Variants in NAV1 observed in about 807,000 individuals in gnomAD.
The protein encoded by NAV1 is pore membrane and/or filament interacting like protein 3.
Under a neutral mutation model 175.2 loss-of-function variants are expected in NAV1, and 18 were observed. The ratio of observed to expected loss-of-function variants is 0.10; its 90% CI spans 0.07 to 0.15. NAV1 has a LOEUF of 0.15. Ranked by LOEUF, NAV1 falls within the 10% of genes least tolerant of loss-of-function variation. NAV1 has a pLI of 1.00. For missense variants in NAV1, 1,731 were observed against 2,436.6 expected, an observed-to-expected ratio of 0.71 and a Z score of 6.10; for synonymous variants, 897 against 978.7, an observed-to-expected ratio of 0.92 and a Z score of 1.56.
intron 2 of NAV1, among the ~76,000 whole-genome samples, chr1:201,597,014 T>C (rs1193296457): frequency 1.3e-5 from 2 of 152,054 alleles, no homozygotes; most frequent in South Asian, 2.1e-4. Flanking sequence ...TTAGTAGAGA[T>C]GGAGTTTCAT....
At chr1:201,769,662 T>C (rs1207131036) in intron 3 of NAV1, among the ~76,000 whole-genome samples, 2 of 152,224 alleles carry the variant, frequency 1.3e-5, no homozygotes. Context: ...AAGTTAGTTA[T>C]TCTCTTTCCT....
intron 1 of NAV1, among the ~76,000 whole-genome samples, chr1:201,711,181 C>T (rs1208522144): frequency 1.3e-5 from 2 of 152,238 alleles, no homozygotes; most frequent in African/African-American, 2.4e-5. Context: ...AGGCCACTGG[C>T]ATGGTGGCCT....
chr1:201,621,607 C>T (rs1267211056), upstream of NAV1, among the ~76,000 whole-genome samples: 2 of 152,212 alleles, frequency 1.3e-5, no homozygotes, highest in Non-Finnish European at 2.9e-5. Context: ...GCAGGGATTA[C>T]AGGCGTGAGC....
intron 1 of NAV1, among the ~76,000 whole-genome samples, chr1:201,678,001 T>C (rs1355824195): frequency 6.6e-6 from 1 of 152,130 alleles, no homozygotes; most frequent in African/African-American, 2.4e-5. Flanking sequence ...TTCTGTCCAA[T>C]GTCCCCGAAG....
chr1:201,565,139 C>T (rs1474664477), intron 1 of NAV1, among the ~76,000 whole-genome samples: 1 of 152,146 alleles, frequency 6.6e-6, no homozygotes, highest in Non-Finnish European at 1.5e-5. Context: ...CCACAGAGAA[C>T]ACTAATGGTT....
At chr1:201,766,533 T>C (rs1571470820) in intron 3 of NAV1, among the ~76,000 whole-genome samples, 2 of 46,056 alleles carry the variant, frequency 4.3e-5, no homozygotes, top group African/African-American at 1.9e-4. Flanking sequence ...TCTATTATCT[T>C]TTTTTTAAAA....
intron 2 of NAV1, among the ~76,000 whole-genome samples, chr1:201,600,294 C>T (rs1019148607): frequency 1.3e-5 from 2 of 152,190 alleles, no homozygotes; most frequent in African/African-American, 4.8e-5. Context: ...TTTACTCCTG[C>T]CCCATGCCCT....
intron 2 of NAV1, among the ~76,000 whole-genome samples, chr1:201,602,651 G>GTTTTTTTTTTTTTTTTGTT: frequency 8.9e-6 from 1 of 112,748 alleles, no homozygotes; most frequent in Non-Finnish European, 1.9e-5. Flanking sequence ...TTTTTTTTTG[G>GTTTTTTTTTTTTTTTTGTT]TTTTTTTTTT....
chr1:201,815,194 G>T (rs193258005), intron 28 of NAV1, among the ~76,000 whole-genome samples: 13 of 152,168 alleles, frequency 8.5e-5, no homozygotes, highest in Admixed American at 8.5e-4. Flanking sequence ...AATGGATAAA[G>T]AAAATGTGGT....
chr1:201,801,741 T>C (rs1276966969), intron 15 of NAV1, among the ~76,000 whole-genome samples: 1 of 152,196 alleles, frequency 6.6e-6, no homozygotes, highest in African/African-American at 2.4e-5. Context: ...TCTATAATTA[T>C]TTTAAAATAA....
At chr1:201,555,741 C>G (rs935935473) in intron 1 of NAV1, among the ~76,000 whole-genome samples, 3 of 151,928 alleles carry the variant, frequency 2.0e-5, no homozygotes, top group Non-Finnish European at 4.4e-5. Context: ...GGAAACACAG[C>G]GGCCTAATGG....
intron 3 of NAV1, among the ~76,000 whole-genome samples, chr1:201,726,676 AT>A (rs1192368465): frequency 2.1e-4 from 32 of 151,220 alleles, no homozygotes; most frequent in African/African-American, 7.5e-4. Flanking sequence ...ATAGAAATCT[AT>A]TATTCTGATC....
In NAV1 at chr1:201,765,381, C is replaced by CTTTT. The variant is rs59583786; in HGVS notation, c.1227-15021_1227-15018dup. Among the ~76,000 whole-genome samples, 115 of 98,606 alleles carry CTTTT rather than the reference C, an allele frequency of 1.2e-3. 4 individuals carry two copies. The highest frequency in any genetic ancestry group is 3.3e-3 in the African/African-American group (83 of 25,138). The allele number at this position is 98,606 out of a possible 152,430, so 64.7% of individuals were successfully genotyped here. ...ATGGGTTTGATCTTCAGGAAATATT[C>CTTTT]TTTTTTTTTTTTTTTTTTTTTTCTT... On this transcript the variant is annotated intron_variant, in intron 3 of 29. Transcript: ENST00000367296.
chr1:201,589,601 C>G (rs548159780), intron 2 of NAV1, among the ~76,000 whole-genome samples: 1 of 152,166 alleles, frequency 6.6e-6, no homozygotes, highest in Non-Finnish European at 1.5e-5. Context: ...GATTGATCCT[C>G]CCACCTCAGC....
chr1:201,632,074 TTC>T (rs983916733), intron 2 of NAV1, among the ~76,000 whole-genome samples: 6 of 152,124 alleles, frequency 3.9e-5, no homozygotes, highest in African/African-American at 1.4e-4. Flanking sequence ...CCCAATGTGC[TTC>T]TCTCTGTCTT....
chr1:201,653,801 G>A (rs1206298755), intron 1 of NAV1, among the ~76,000 whole-genome samples: 1 of 152,202 alleles, frequency 6.6e-6, no homozygotes, highest in Non-Finnish European at 1.5e-5. Context: ...GGAATCACAG[G>A]CAGGAGGAAG....
exon 21 of NAV1, chr1:201,809,231 G>A: frequency 6.2e-7 from 1 of 1,613,954 alleles, no homozygotes. Flanking sequence ...GGGTGGTGGT[G>A]AGGATGCCCC....
chr1:201,618,540 A>C (rs1483224567), upstream of NAV1, among the ~76,000 whole-genome samples: 1 of 152,036 alleles, frequency 6.6e-6, no homozygotes, highest in South Asian at 2.1e-4. Flanking sequence ...CCATGCTCCA[A>C]TCAGAGCAAG....
chr1:201,583,010 C>T (rs902468743), intron 1 of NAV1, among the ~76,000 whole-genome samples: 9 of 152,246 alleles, frequency 5.9e-5, no homozygotes, highest in South Asian at 4.1e-4. Flanking sequence ...ACTGTGTATA[C>T]GGGATCCCTC....
Sources: allele counts gnomAD v4.1 joint callset (sites outside exome capture counted in the v4.1 genomes callset), GRCh38; gene constraint gnomAD v4.1.1; transcripts MANE v1.5; gene names NCBI Gene and HGNC (gene_info 2026-07-23, HGNC 2026-07-21).